Variants in SEPTIN9 observed in about 807,000 individuals in gnomAD.
SEPTIN9 encodes the protein septin-9.
SEPTIN9 carries 13 observed loss-of-function variants against 56.6 expected under a neutral mutation model. That is an observed-to-expected ratio of 0.23 (90% CI 0.15 to 0.37). SEPTIN9 has a LOEUF of 0.37. Ranked by LOEUF, SEPTIN9 falls within the 10% of genes least tolerant of loss-of-function variation. SEPTIN9 has a pLI of 1.00. For synonymous variants in SEPTIN9, 332 were observed against 334.1 expected (o/e 0.99, Z 0.07); for missense variants, 650 against 823.1 (o/e 0.79, Z 2.57).
Position 77,329,974 on chromosome 17 carries a change from C to G in SEPTIN9, c.76+22777C>G, listed in dbSNP as rs77391180. 6.6e-6 allele frequency among the ~76,000 whole-genome samples: 1 copy of G among 152,138 alleles called. No individual in the cohort carries two copies. The highest frequency in any genetic ancestry group is 2.4e-5 in the African/African-American group (1 of 41,430). ...GGGTGGGGGCTGCAGTCCATGCCCC[C>G]GCTCCAGGCAACACAGTCGAGCTGC... On this transcript the variant is annotated intron_variant, in intron 2 of 11. Coordinates refer to ENST00000427177, the MANE Select transcript of SEPTIN9 (RefSeq NM_001113491.2). The surrounding 1 kb of genome is among the most constrained non-coding windows in gnomAD (Gnocchi z 4.3).
At chr17:77,387,276 C>T (rs1182023433) in intron 2 of SEPTIN9, among the ~76,000 whole-genome samples, 6 of 152,336 alleles carry the variant, frequency 3.9e-5, no homozygotes, top group Middle Eastern at 3.4e-3. Context: ...CATGTAGATG[C>T]GTCACGCCAC....
Position 77,492,513 on chromosome 17 carries a change from G to C in SEPTIN9, c.1381-108G>C. The C allele has an allele frequency of 2.0e-6, 2 of 1,000,404 alleles. No homozygotes were observed. Among genetic ancestry groups the C allele is most frequent in the South Asian group, 2.6e-5 (2 of 78,428 alleles). The allele number at this position is 1,000,404 out of a possible 1,614,324, so 62.0% of individuals were successfully genotyped here. A position where few individuals can be genotyped will look rare whatever the true frequency, so the allele number is the denominator to read the frequency against. ...TCACAGCCCCCCAGAGCCTGCCCTT[G>C]AACCCGAGCCTGGGGCAGCACACAG... is the stretch of plus-strand genomic sequence containing the variant. On this transcript the variant is annotated intron_variant, in intron 8 of 11. Coordinates refer to ENST00000427177, the MANE Select transcript of SEPTIN9 (RefSeq NM_001113491.2). This position sits in a 1 kb window ranked among gnomAD's most constrained non-coding sequence, Gnocchi z 5.4.
intron 7 of SEPTIN9, among the ~76,000 whole-genome samples, chr17:77,489,415 A>T (rs533813462): frequency 6.6e-6 from 1 of 152,152 alleles, no homozygotes; most frequent in South Asian, 2.1e-4. Flanking sequence ...GGGAGGCTGC[A>T]TGTACCCTGG....
At chr17:77,328,803 A>G (rs939986702) in intron 2 of SEPTIN9, among the ~76,000 whole-genome samples, 1 of 152,234 alleles carries the variant, frequency 6.6e-6, no homozygotes, top group Admixed American at 6.5e-5. Context: ...TCCACAAATG[A>G]GCAAATCCAT....
At chr17:77,362,103 T>G (rs1393575942) in intron 2 of SEPTIN9, among the ~76,000 whole-genome samples, 1 of 152,242 alleles carries the variant, frequency 6.6e-6, no homozygotes, top group Non-Finnish European at 1.5e-5. Context: ...CACATTCACC[T>G]CCTTGAAATC....
Position 77,492,175 on chromosome 17 carries a change from C to T in SEPTIN9, c.1381-446C>T, listed in dbSNP as rs191637420. 1.1e-4 allele frequency among the ~76,000 whole-genome samples: 16 copies of T among 152,278 alleles called. No individual in the cohort carries two copies. The highest frequency in any genetic ancestry group is 5.2e-4 in the Admixed American group (8 of 15,294). On this transcript the variant is annotated intron_variant, in intron 8 of 11. Coordinates refer to ENST00000427177, the MANE Select transcript of SEPTIN9 (RefSeq NM_001113491.2). The surrounding 1 kb of genome is among the most constrained non-coding windows in gnomAD (Gnocchi z 5.4). Reference sequence around the variant, plus strand: ...GTCTGTGCCTGGGCAGGCGAGCAGCCGCTCACTGGGATGTTTCTGTTGCAC... The same window carrying T: ...GTCTGTGCCTGGGCAGGCGAGCAGCTGCTCACTGGGATGTTTCTGTTGCAC...
At chr17:77,340,806 C>T (rs1386124002) in intron 2 of SEPTIN9, among the ~76,000 whole-genome samples, 4 of 152,194 alleles carry the variant, frequency 2.6e-5, no homozygotes, top group African/African-American at 4.8e-5. Context: ...AACTTGCTGC[C>T]GCTTCTCCAT....
intron 3 of SEPTIN9, among the ~76,000 whole-genome samples, chr17:77,478,564 T>C (rs564077714): frequency 6.6e-6 from 1 of 152,248 alleles, no homozygotes; most frequent in East Asian, 1.9e-4. Flanking sequence ...CTCAGCACTT[T>C]GGGAGGCCGA....
At chr17:77,393,353 C>T (rs1043308762) in intron 2 of SEPTIN9, among the ~76,000 whole-genome samples, 58 of 152,088 alleles carry the variant, frequency 3.8e-4, no homozygotes, top group African/African-American at 1.1e-3. Context: ...TCCAGCCTTC[C>T]GAGGGCTTGG....
chr17:77,452,062 CT>C (rs1394914694), intron 3 of SEPTIN9, among the ~76,000 whole-genome samples: 3 of 152,232 alleles, frequency 2.0e-5, no homozygotes, highest in Admixed American at 2.0e-4. Flanking sequence ...CAGGGAGCTG[CT>C]GCTACAGCGC....
Position 77,327,971 on chromosome 17 carries a change from C to G in SEPTIN9, c.76+20774C>G, listed in dbSNP as rs569161534. 6.6e-6 allele frequency among the ~76,000 whole-genome samples: 1 copy of G among 152,020 alleles called. No individual in the cohort carries two copies. The highest frequency in any genetic ancestry group is 1.9e-4 in the East Asian group (1 of 5,182). The stretch of plus-strand genomic sequence containing the variant: ...GAGTTTCCCCGTGCCCAGTGTGTCC[C>G]TGTATCCAGGGCATCCCCATGCCCA... On this transcript the variant is annotated intron_variant, in intron 2 of 11. Transcript: ENST00000427177. This position sits in a 1 kb window ranked among gnomAD's most constrained non-coding sequence, Gnocchi z 5.0.
At chr17:77,332,505 C>A (rs182130931) in intron 2 of SEPTIN9, among the ~76,000 whole-genome samples, 1 of 152,174 alleles carries the variant, frequency 6.6e-6, no homozygotes, top group East Asian at 1.9e-4. Flanking sequence ...AACTAGAGTC[C>A]GGCATTTGTC....
At chr17:77,490,693 C>G (rs116189645) in intron 7 of SEPTIN9, 49 bp from the exon 8 acceptor site, 56 of 1,409,706 alleles carry the variant, frequency 4.0e-5, no homozygotes, top group Non-Finnish European at 5.2e-5. Context: ...GGTGCCCCCC[C>G]ACTGCCCCGC....
At chr17:77,281,914 G>C in intron 1 of SEPTIN9, 1 of 283,418 alleles carries the variant, frequency 3.5e-6, no homozygotes, top group East Asian at 6.6e-5. Flanking sequence ...AGGTGGAGGG[G>C]TGTCCTTGGG....
In SEPTIN9 at chr17:77,289,349, G is replaced by A. The variant is rs558529273; in HGVS notation, c.19+7795G>A. ...TGACCTCAGGTGATCCACCTGCCCC[G>A]GCCTCCCAAAGTGCTGGGATTACAG... On this transcript the variant is annotated intron_variant, in intron 1 of 11. Transcript: ENST00000427177. 1.3e-4 allele frequency among the ~76,000 whole-genome samples: 19 copies of A among 151,620 alleles called. No individual in the cohort carries two copies. In the South Asian group the frequency reaches 1.9e-3, roughly 15 times the overall value.
chr17:77,412,117 G>A (rs2036325036), intron 3 of SEPTIN9, among the ~76,000 whole-genome samples: 2 of 139,348 alleles, frequency 1.4e-5, no homozygotes, highest in South Asian at 2.3e-4. Context: ...GTGACAGAGC[G>A]AGACTCCCTA....
At chr17:77,336,462 G>T (rs1030684427) in intron 2 of SEPTIN9, among the ~76,000 whole-genome samples, 1 of 152,072 alleles carries the variant, frequency 6.6e-6, no homozygotes, top group Non-Finnish European at 1.5e-5. Flanking sequence ...TCAAGAAAAA[G>T]ATCTTGCATG....
chr17:77,321,769 G>T (rs2032944306), intron 2 of SEPTIN9, among the ~76,000 whole-genome samples: 1 of 152,264 alleles, frequency 6.6e-6, no homozygotes, highest in African/African-American at 2.4e-5. Flanking sequence ...GTCGGGCACA[G>T]CAGGCGGACC....
In SEPTIN9 at chr17:77,476,931, T is replaced by TTTTAC. The variant is rs1266813876; in HGVS notation, c.722-5207_722-5203dup. On this transcript the variant is annotated intron_variant, in intron 3 of 11. Transcript: ENST00000427177. The surrounding 1 kb of genome is among the most constrained non-coding windows in gnomAD (Gnocchi z 6.0). ...GGAAAACACTGGACTCTTTATTTTA[T>TTTTAC]TTTACTTTACATTCTGGGATACATG... Among the ~76,000 whole-genome samples, 3 of 152,190 alleles carry TTTTAC rather than the reference T, an allele frequency of 2.0e-5. No homozygotes were observed. The highest frequency in any genetic ancestry group is 4.4e-5 in the Non-Finnish European group (3 of 68,024).
Sources: allele counts gnomAD v4.1 joint callset (sites outside exome capture counted in the v4.1 genomes callset), GRCh38; gene constraint gnomAD v4.1.1; non-coding constraint Gnocchi (gnomAD v3.1); transcripts MANE v1.5; gene names NCBI Gene and HGNC (gene_info 2026-07-23, HGNC 2026-07-21).